LUZP2: variants seen among roughly 807,000 people sequenced by gnomAD.
LUZP2 encodes the protein leucine zipper protein 2.
Under a neutral mutation model 51.6 loss-of-function variants are expected in LUZP2, and 52 were observed. The ratio of observed to expected loss-of-function variants is 1.01; its 90% confidence interval spans 0.81 to 1.27. LUZP2 has a LOEUF of 1.27. Among genes scored for constraint, LUZP2 ranks in the 50% most tolerant of loss-of-function variants. The probability of loss-of-function intolerance (pLI) is 0.00; values close to 1 mark genes in which losing one functional copy is unlikely to be tolerated. For missense variants in LUZP2, 436 were observed against 395.4 expected, an observed-to-expected ratio of 1.10 and a Z score of -0.87; for synonymous variants, 154 against 137.3, an observed-to-expected ratio of 1.12 and a Z score of -0.85.
At chr11:24,874,268 G>A (rs2134274675) in intron 5 of LUZP2, among the ~76,000 whole-genome samples, 1 of 152,282 alleles carries the variant, frequency 6.6e-6, no homozygotes, top group South Asian at 2.1e-4. Flanking sequence ...GAGGGCCCCT[G>A]TCAGGTTCCA....
At chr11:24,773,081 GTT>G (rs3078931) in intron 5 of LUZP2, among the ~76,000 whole-genome samples, 76,377 of 145,482 alleles carry the variant, frequency 0.52, 19,941 homozygotes, top group Non-Finnish European at 0.59. Flanking sequence ...AAACAGTGTA[GTT>G]TTTTTTTTTT....
chr11:24,515,334 C>T (rs1052766914), intron 1 of LUZP2, among the ~76,000 whole-genome samples: 1 of 151,508 alleles, frequency 6.6e-6, no homozygotes, highest in Non-Finnish European at 1.5e-5. Context: ...CTGAAAGACC[C>T]CATCTGTAAA....
intron 1 of LUZP2, among the ~76,000 whole-genome samples, chr11:24,585,319 C>T (rs1435140190): frequency 6.6e-6 from 1 of 152,152 alleles, no homozygotes; most frequent in Non-Finnish European, 1.5e-5. Flanking sequence ...TCCTATGAAA[C>T]TGTATTTGAC....
intron 1 of LUZP2, among the ~76,000 whole-genome samples, chr11:24,613,618 G>T (rs2133891289): frequency 6.6e-6 from 1 of 151,696 alleles, no homozygotes; most frequent in African/African-American, 2.4e-5. Context: ...AGCAACAATA[G>T]ATTAGAATTA....
chr11:24,957,843 C>T (rs1003850734), intron 7 of LUZP2, among the ~76,000 whole-genome samples: 132 of 152,004 alleles, frequency 8.7e-4, no homozygotes, highest in African/African-American at 3.0e-3. Context: ...CATGCTGGTG[C>T]ACTGCACCCA....
chr11:24,685,725 T>C (rs567660882), intron 1 of LUZP2, among the ~76,000 whole-genome samples: 5 of 152,324 alleles, frequency 3.3e-5, no homozygotes, highest in Admixed American at 3.3e-4. Context: ...CCATGAAATA[T>C]CATAAACTAA....
At chr11:25,046,683 C>T (rs1858324318) in intron 9 of LUZP2, among the ~76,000 whole-genome samples, 1 of 152,108 alleles carries the variant, frequency 6.6e-6, no homozygotes, top group Non-Finnish European at 1.5e-5. Context: ...ATGAGTTATG[C>T]AGACTGGTAC....
chr11:24,590,979 C>G (rs1047401819), intron 1 of LUZP2, among the ~76,000 whole-genome samples: 6 of 152,112 alleles, frequency 3.9e-5, no homozygotes, highest in Non-Finnish European at 7.4e-5. Flanking sequence ...AGCAAGGTGG[C>G]TCACACCTGT....
At chr11:24,636,899 G>C (rs1262209827) in intron 1 of LUZP2, among the ~76,000 whole-genome samples, 1 of 149,360 alleles carries the variant, frequency 6.7e-6, no homozygotes, top group African/African-American at 2.6e-5. Context: ...AAATAAAAAT[G>C]ATATAAGCCA....
intron 1 of LUZP2, among the ~76,000 whole-genome samples, chr11:24,582,537 T>C (rs1011813354): frequency 6.6e-6 from 1 of 152,088 alleles, no homozygotes; most frequent in African/African-American, 2.4e-5. Flanking sequence ...TTATGTAAAG[T>C]AAAAATGAAA....
At chr11:25,044,056 TATAG>T (rs1858179678) in intron 9 of LUZP2, among the ~76,000 whole-genome samples, 1 of 113,486 alleles carries the variant, frequency 8.8e-6, no homozygotes, top group Non-Finnish European at 1.9e-5. Context: ...ATCTGATATA[TATAG>T]AGTCTATATA....
rs1224231533 is a variant in LUZP2 at position 24,611,225 on chromosome 11, A to T, written c.62+113920A>T. Among the ~76,000 whole-genome samples the T allele has an allele frequency of 6.6e-6, 1 of 152,172 alleles. No homozygotes were observed. The highest frequency in any genetic ancestry group is 1.5e-5 in the Non-Finnish European group (1 of 68,026). On this transcript the variant is annotated intron_variant, in intron 1 of 11. Coordinates refer to ENST00000336930, the MANE Select transcript of LUZP2 (RefSeq NM_001009909.4). The surrounding 1 kb of genome is among the most constrained non-coding windows in gnomAD (Gnocchi z 4.6). ...ACTTTGTGCCGAGGTTGTGCTAGCT[A>T]CTAAGACTGTAATGGTGCCTATATT... is the stretch of plus-strand genomic sequence containing the variant.
intron 1 of LUZP2, among the ~76,000 whole-genome samples, chr11:24,641,223 C>G (rs1430427951): frequency 6.6e-6 from 1 of 150,986 alleles, no homozygotes; most frequent in East Asian, 1.9e-4. Context: ...CCAACGTTTT[C>G]TAATTAGATT....
At chr11:24,692,792 A>G (rs1196470912) in intron 1 of LUZP2, among the ~76,000 whole-genome samples, 1 of 152,036 alleles carries the variant, frequency 6.6e-6, no homozygotes, top group African/African-American at 2.4e-5. Context: ...CTTAATTCCT[A>G]ATTTAGGAGA....
chr11:24,713,669 C>T (rs1857925406), intron 1 of LUZP2, among the ~76,000 whole-genome samples: 1 of 140,314 alleles, frequency 7.1e-6, no homozygotes, highest in Non-Finnish European at 1.5e-5. Flanking sequence ...TCCTGGATAA[C>T]AGAGTGAGAA....
intron 10 of LUZP2, among the ~76,000 whole-genome samples, chr11:25,051,241 C>T (rs966991950): frequency 3.3e-5 from 5 of 151,618 alleles, no homozygotes; most frequent in African/African-American, 9.7e-5. Flanking sequence ...GGCGTGAACC[C>T]GGGAGATGGA....
At chr11:25,050,193 G>A in intron 10 of LUZP2, 63 bp downstream of exon 10, 3 of 858,804 alleles carry the variant, frequency 3.5e-6, no homozygotes, top group Non-Finnish European at 5.2e-6. Flanking sequence ...AAGCATTTTA[G>A]CAATTCTAAT....
At chr11:24,980,714 C>G (rs141416639) in intron 8 of LUZP2, among the ~76,000 whole-genome samples, 4 of 151,738 alleles carry the variant, frequency 2.6e-5, no homozygotes, top group African/African-American at 9.7e-5. Flanking sequence ...AAGAACCATT[C>G]CTGGAAAGGG....
chr11:24,500,207 C>T (rs1849953039), intron 1 of LUZP2, among the ~76,000 whole-genome samples: 1 of 152,116 alleles, frequency 6.6e-6, no homozygotes, highest in South Asian at 2.1e-4. Context: ...AAGCATTTTT[C>T]TCTGTTTTAC....
Sources: gnomAD v4.1 joint callset for allele counts (sites outside exome capture counted in the v4.1 genomes callset) on GRCh38, gnomAD v4.1.1 for gene constraint, Gnocchi (gnomAD v3.1) non-coding constraint, MANE v1.5 for transcripts, NCBI Gene and HGNC (gene_info 2026-07-23, HGNC 2026-07-21) for gene names.